RAD51B: variants seen among roughly 807,000 people sequenced by gnomAD.
The protein encoded by RAD51B is DNA repair protein RAD51 homolog 2.
In RAD51B, 38 loss-of-function variants were observed where a neutral mutation model predicts 42.2. The ratio of observed to expected loss-of-function variants is 0.90; its 90% CI spans 0.70 to 1.18. The LOEUF (loss-of-function observed/expected upper bound fraction) is 1.18, where lower values mean the gene tolerates loss of function less well. RAD51B is among the 50% of genes most tolerant of loss of function. The pLI is 0.00. For missense variants in RAD51B, 373 were observed against 400.7 expected (o/e 0.93, Z 0.59); for synonymous variants, 154 against 145.2 (o/e 1.06, Z -0.43).
At chr14:67,989,285 AAAAG>A (rs2075248169) in intron 7 of RAD51B, among the ~76,000 whole-genome samples, 1 of 152,252 alleles carries the variant, frequency 6.6e-6, no homozygotes, top group South Asian at 2.1e-4. Context: ...CACATTTTCT[AAAAG>A]AAAGATATTT....
intron 10 of RAD51B, among the ~76,000 whole-genome samples, chr14:68,621,707 C>T (rs1313714733): frequency 6.6e-6 from 1 of 152,220 alleles, no homozygotes; most frequent in Non-Finnish European, 1.5e-5. Context: ...AAAATAAGCT[C>T]CCAAAGCAGA....
At chr14:68,334,984 CAAG>C (rs2082420660) in intron 8 of RAD51B, among the ~76,000 whole-genome samples, 3 of 145,978 alleles carry the variant, frequency 2.1e-5, no homozygotes, top group Admixed American at 2.0e-4. Flanking sequence ...AAAAAACAAA[CAAG>C]AACTGAAGAA....
At chr14:68,298,903 G>T (rs1399814460) in intron 8 of RAD51B, among the ~76,000 whole-genome samples, 5 of 152,284 alleles carry the variant, frequency 3.3e-5, no homozygotes, top group Admixed American at 2.6e-4. Context: ...TTGTAATGTG[G>T]CATGAAGCGT....
At chr14:67,953,861 T>A (rs771840499) in intron 7 of RAD51B, among the ~76,000 whole-genome samples, 2 of 152,020 alleles carry the variant, frequency 1.3e-5, no homozygotes, top group African/African-American at 4.8e-5. Context: ...ATTAAGTGTT[T>A]GAGATGAATG....
chr14:68,231,357 C>A (rs1307617289), intron 7 of RAD51B, among the ~76,000 whole-genome samples: 1 of 152,176 alleles, frequency 6.6e-6, no homozygotes, highest in Non-Finnish European at 1.5e-5. Flanking sequence ...TTTCCTCCAA[C>A]CTTATTGAAT....
chr14:68,679,956 A>G (rs1448827896), intron 11 of RAD51B, among the ~76,000 whole-genome samples: 1 of 152,246 alleles, frequency 6.6e-6, no homozygotes, highest in Admixed American at 6.5e-5. Flanking sequence ...TTGGTTAATA[A>G]TTACATCTAC....
chr14:67,888,921 C>T (rs2043140233), intron 7 of RAD51B, among the ~76,000 whole-genome samples: 1 of 152,126 alleles, frequency 6.6e-6, no homozygotes, highest in Non-Finnish European at 1.5e-5. Flanking sequence ...CATACTGTTG[C>T]TTGACTTAAT....
intron 7 of RAD51B, among the ~76,000 whole-genome samples, chr14:68,054,840 G>A (rs868609840): frequency 6.6e-6 from 1 of 152,138 alleles, no homozygotes; most frequent in Non-Finnish European, 1.5e-5. Flanking sequence ...AAGTTTGGTG[G>A]GGGGCGGTTG....
chr14:68,091,618 A>G (rs1338280925), intron 7 of RAD51B, among the ~76,000 whole-genome samples: 1 of 152,154 alleles, frequency 6.6e-6, no homozygotes, highest in African/African-American at 2.4e-5. Context: ...AGATGAGTAG[A>G]TTGCAAAAAT....
chr14:68,680,913 G>A (rs1021092167), intron 11 of RAD51B, among the ~76,000 whole-genome samples: 2 of 151,888 alleles, frequency 1.3e-5, no homozygotes, highest in African/African-American at 4.8e-5. Context: ...TTTTTAGGCC[G>A]ATTTTGGGAG....
At chr14:67,828,278 A>G (rs1262147628) in intron 3 of RAD51B, among the ~76,000 whole-genome samples, 1 of 151,370 alleles carries the variant, frequency 6.6e-6, no homozygotes, top group East Asian at 1.9e-4. Context: ...TGTTGGCTGC[A>G]TGAATGTCTT....
chr14:68,245,726 A>G (rs904452126), intron 7 of RAD51B, among the ~76,000 whole-genome samples: 1 of 152,242 alleles, frequency 6.6e-6, no homozygotes, highest in African/African-American at 2.4e-5. Flanking sequence ...ATTTAGGCCA[A>G]GAATGACTTA....
intron 7 of RAD51B, among the ~76,000 whole-genome samples, chr14:67,987,588 CT>C (rs538236023): frequency 2.0e-5 from 3 of 150,854 alleles, no homozygotes; most frequent in South Asian, 2.1e-4. Flanking sequence ...CTTAGAAGAT[CT>C]TTTTTTTTCC....
At chr14:68,027,975 AG>A (rs2075980585) in intron 7 of RAD51B, among the ~76,000 whole-genome samples, 1 of 152,090 alleles carries the variant, frequency 6.6e-6, no homozygotes, top group Non-Finnish European at 1.5e-5. Flanking sequence ...TCTGTGATGC[AG>A]GTTGAGTATA....
Position 68,478,089 on chromosome 14 carries a change from C to G in RAD51B, c.*425C>G. On this transcript the variant is annotated 3_prime_UTR_variant, in exon 11 of 11. Coordinates refer to ENST00000471583, the MANE Select transcript of RAD51B (RefSeq NM_133510.4). Reference sequence around the variant, plus strand: ...ACATTTCCGAATAAAGTATTGTCTACCAGATAAAAAGAGTAGGTGTAAAGG... The same window carrying G: ...ACATTTCCGAATAAAGTATTGTCTAGCAGATAAAAAGAGTAGGTGTAAAGG... 9.5e-7 allele frequency: 1 copy of G among 1,053,058 alleles called. No individual in the cohort carries two copies. Among genetic ancestry groups the G allele is most frequent in the Non-Finnish European group, 1.1e-6 (1 of 871,844 alleles). The allele number at this position is 1,053,058 out of a possible 1,614,324, so 65.2% of individuals were successfully genotyped here.
At chr14:68,472,738 T>A (rs944981661) in intron 10 of RAD51B, among the ~76,000 whole-genome samples, 6 of 152,216 alleles carry the variant, frequency 3.9e-5, no homozygotes, top group African/African-American at 1.2e-4. Flanking sequence ...CAGGGCACCC[T>A]GAGACAGGTC....
chr14:68,419,151 C>G (rs924725842), intron 9 of RAD51B, among the ~76,000 whole-genome samples: 1 of 152,174 alleles, frequency 6.6e-6, no homozygotes, highest in Non-Finnish European at 1.5e-5. Flanking sequence ...GTTTCATACT[C>G]CATTCTAGCC....
At chr14:68,126,255 A>G (rs2077757517) in intron 7 of RAD51B, among the ~76,000 whole-genome samples, 1 of 152,128 alleles carries the variant, frequency 6.6e-6, no homozygotes, top group African/African-American at 2.4e-5. Flanking sequence ...CCCTTAGTTT[A>G]TGTAGCCTTG....
chr14:68,204,129 C>G (rs2079541759), intron 7 of RAD51B, among the ~76,000 whole-genome samples: 1 of 152,224 alleles, frequency 6.6e-6, no homozygotes, highest in Non-Finnish European at 1.5e-5. Flanking sequence ...GGCCTAGCTT[C>G]CTGCCTGATT....
Sources: gnomAD v4.1 joint callset for allele counts (sites outside exome capture counted in the v4.1 genomes callset) on GRCh38, gnomAD v4.1.1 for gene constraint, MANE v1.5 for transcripts, NCBI Gene and HGNC (gene_info 2026-07-23, HGNC 2026-07-21) for gene names.